The following ZXDC variants were observed in gnomAD, a reference collection of about 807,000 sequenced individuals.
ZXDC encodes the protein zinc finger protein ZXDC.
In ZXDC, 58 loss-of-function variants were observed where a neutral mutation model predicts 63.6. The ratio of observed to expected loss-of-function variants is 0.91; its 90% confidence interval spans 0.74 to 1.13. The LOEUF is 1.13. Ranked by LOEUF, ZXDC falls within the 50% of genes most tolerant of loss-of-function variation. The pLI is 0.00. For missense variants in ZXDC, 1,133 were observed against 1,148.9 expected (o/e 0.99, Z 0.20); for synonymous variants, 561 against 496.1 (o/e 1.13, Z -1.74).
intron 4 of ZXDC, among the ~76,000 whole-genome samples, chr3:126,470,394 G>A (rs1199856668): frequency 6.6e-6 from 1 of 152,226 alleles, no homozygotes; most frequent in Non-Finnish European, 1.5e-5. Context: ...TTAAACCTGG[G>A]AGGCAGAGGT....
In ZXDC at chr3:126,439,719, G is replaced by A. The variant is rs1295200470; in HGVS notation, c.2403C>T (p.Pro801=). 6.4e-7 allele frequency: 1 copy of A among 1,551,206 alleles called. No homozygotes were observed. Among genetic ancestry groups the A allele is most frequent in the Non-Finnish European group, 8.7e-7 (1 of 1,146,988 alleles). Residue 801 remains proline, a synonymous_variant, in exon 9 of 10, where the codon CCC becomes CCT. Transcript: ENST00000389709. ...GVQVQLVQDD[P]SGEGVLPSAR... ...CCGAGGGCAGGACACCTTCGCCGGA[G>A]GGGTCATCCTGGGAAGGCAACACAG...
intron 6 of ZXDC, chr3:126,461,051 C>T (rs1934509338): frequency 1.0e-6 from 1 of 984,948 alleles, no homozygotes; most frequent in African/African-American, 1.7e-5. Flanking sequence ...CTCTTATAAT[C>T]CTCCAAGAAC....
chr3:126,459,529 G>T, intron 7 of ZXDC, 124 bp downstream of exon 7: 1 of 1,521,734 alleles, frequency 6.6e-7, no homozygotes. Context: ...GTTGATAAAA[G>T]GGTATTCTGA....
At chr3:126,453,489 T>A in intron 7 of ZXDC, 2 of 985,446 alleles carry the variant, frequency 2.0e-6, no homozygotes, top group Non-Finnish European at 2.4e-6. Flanking sequence ...TTGTGTTCCA[T>A]ATACAGTAAT....
intron 7 of ZXDC, chr3:126,452,234 T>C (rs768578856): frequency 5.8e-5 from 57 of 985,338 alleles, no homozygotes; most frequent in Non-Finnish European, 6.4e-5. Flanking sequence ...GTGCAAATCC[T>C]CTATGTCATT....
intron 6 of ZXDC, chr3:126,460,098 C>T: frequency 3.0e-6 from 3 of 985,442 alleles, no homozygotes; most frequent in Non-Finnish European, 3.6e-6. Flanking sequence ...TACCGCGACA[C>T]TTTTCACGCT....
At chr3:126,464,703 G>A (rs6810140) in intron 5 of ZXDC, among the ~76,000 whole-genome samples, 92,572 of 151,770 alleles carry the variant, frequency 0.61, 28,786 homozygotes, top group South Asian at 0.74. Flanking sequence ...GAGAGGGAAC[G>A]GCCAAACAGG....
intron 7 of ZXDC, among the ~76,000 whole-genome samples, chr3:126,456,773 C>A (rs1934322214): frequency 6.6e-6 from 1 of 152,188 alleles, no homozygotes; most frequent in Admixed American, 6.5e-5. Flanking sequence ...TAGGGACCCC[C>A]AAGCCCCACA....
At chr3:126,464,889 G>A (rs766087164) in intron 5 of ZXDC, among the ~76,000 whole-genome samples, 7 of 152,182 alleles carry the variant, frequency 4.6e-5, no homozygotes, top group Non-Finnish European at 7.3e-5. Flanking sequence ...AAAGCTGAAC[G>A]GCAACTGCTG....
chr3:126,475,858 A>T lies in ZXDC; in HGVS notation c.8T>A (p.Leu3His). The change falls in exon 1 of 10, where the codon CTC becomes CAC. Residue 3 changes from leucine to histidine, a missense_variant. Leu to His is a moderately conservative substitution (Grantham distance 99). Coordinates refer to ENST00000389709, the MANE Select transcript of ZXDC (RefSeq NM_025112.5). MD[L>H]PALLPAPTAR... The stretch of plus-strand genomic sequence containing the variant: ...AGTCGGGGCGGGGAGCAGCGCCGGG[A>T]GGTCCATCTTGGTCCCAGCGACGGC... 1 of 1,077,196 alleles carries T rather than the reference A, an allele frequency of 9.3e-7. No homozygotes were observed. The highest frequency in any genetic ancestry group is 1.1e-6 in the Non-Finnish European group (1 of 890,150). The allele number at this position is 1,077,196 out of a possible 1,614,324, so 66.7% of individuals were successfully genotyped here.
chr3:126,454,347 C>T (rs1317459809), intron 7 of ZXDC: 15 of 984,972 alleles, frequency 1.5e-5, no homozygotes, highest in Non-Finnish European at 1.8e-5. Context: ...ATATAAATGT[C>T]TATAGGTCTT....
intron 6 of ZXDC, chr3:126,460,467 A>T (rs1480686080): frequency 1.4e-5 from 14 of 985,238 alleles, no homozygotes; most frequent in Non-Finnish European, 1.7e-5. Context: ...CGGGGTTAAG[A>T]CCAAGGTCTT....
chr3:126,441,668 G>A, intron 8 of ZXDC, 97 bp downstream of exon 8: 2 of 1,443,568 alleles, frequency 1.4e-6, no homozygotes. Flanking sequence ...AGGGGGTGCT[G>A]CGATGGGCAG....
At chr3:126,457,462 G>A in intron 7 of ZXDC, 5 of 985,368 alleles carry the variant, frequency 5.1e-6, no homozygotes, top group Non-Finnish European at 6.0e-6. Flanking sequence ...CAAGGATGTG[G>A]GTGGCACTGA....
At chr3:126,457,001 G>A (rs965513833) in intron 7 of ZXDC, among the ~76,000 whole-genome samples, 9 of 152,334 alleles carry the variant, frequency 5.9e-5, no homozygotes, top group African/African-American at 1.9e-4. Flanking sequence ...CATCAGGCAG[G>A]CCCACAGGGA....
intron 4 of ZXDC, among the ~76,000 whole-genome samples, chr3:126,470,223 T>C (rs1293127845): frequency 6.6e-6 from 1 of 152,176 alleles, no homozygotes; most frequent in Non-Finnish European, 1.5e-5. Flanking sequence ...TCCCAGCACT[T>C]TGGGAGGCCA....
At chr3:126,440,647 C>T in intron 8 of ZXDC, 1 of 986,388 alleles carries the variant, frequency 1.0e-6, no homozygotes, top group Non-Finnish European at 1.2e-6. Flanking sequence ...CCTGCCCCTG[C>T]TCCTGGGGAG....
intron 5 of ZXDC, among the ~76,000 whole-genome samples, chr3:126,465,122 G>A (rs1019616915): frequency 7.9e-5 from 12 of 152,234 alleles, no homozygotes; most frequent in Non-Finnish European, 1.6e-4. Context: ...CACAGGAGAC[G>A]TGAGGACCCA....
chr3:126,463,060 G>A (rs1311242076), intron 5 of ZXDC, among the ~76,000 whole-genome samples: 1 of 127,356 alleles, frequency 7.9e-6, no homozygotes, highest in East Asian at 2.2e-4. Flanking sequence ...GATGCAGCAT[G>A]TAATTATTAT....
Sources: gnomAD v4.1 joint callset for allele counts (sites outside exome capture counted in the v4.1 genomes callset) on GRCh38, gnomAD v4.1.1 for gene constraint, MANE v1.5 for transcripts, NCBI Gene and HGNC (gene_info 2026-07-23, HGNC 2026-07-21) for gene names.